Variants in GORASP2 observed in about 807,000 individuals in gnomAD.
GORASP2 encodes golgi reassembly stacking protein 2.
Under a neutral mutation model 45.7 loss-of-function variants are expected in GORASP2, and 22 were observed. The observed-to-expected ratio is 0.48, with a 90% CI of 0.34 to 0.69. GORASP2 has a LOEUF of 0.69. Among genes scored for constraint, GORASP2 ranks in the 30% least tolerant of loss-of-function variants. The pLI, the probability that GORASP2 is intolerant of heterozygous loss-of-function variation, is 0.01. For missense variants in GORASP2, 491 were observed against 562.7 expected (o/e 0.87, Z 1.29); for synonymous variants, 221 against 215.6 (o/e 1.02, Z -0.22).
chr2:170,934,247 GTTT>G (rs200425729), intron 1 of GORASP2, among the ~76,000 whole-genome samples: 6 of 128,338 alleles, frequency 4.7e-5, no homozygotes, highest in African/African-American at 1.1e-4. Flanking sequence ...CTCATACCCT[GTTT>G]TTTTTTTTGT....
chr2:170,949,551 G>T lies in GORASP2; in HGVS notation c.157G>T (p.Asp53Tyr). The change falls in exon 3 of 10, where the codon GAC (aspartate) becomes TAC (tyrosine). Residue 53 changes from aspartate (D) to tyrosine (Y), a missense_variant. By Grantham distance (160) the Asp-to-Tyr change is radical. Coordinates refer to ENST00000234160, the MANE Select transcript of GORASP2 (RefSeq NM_015530.5). ...INGSRLNKDN[D>Y]TLKDLLKANV... ...TATGTGTTCACAGAATAAAGACAAT[G>T]ACACTCTTAAGGATCTGCTGAAAGC... 6.2e-7 allele frequency: 1 copy of T among 1,612,880 alleles called. No homozygotes were observed. Among genetic ancestry groups the T allele is most frequent in the South Asian group, 1.1e-5 (1 of 91,014 alleles).
rs1308766312 is a variant in GORASP2, at chr2:170,949,682, G to A, written c.288G>A (p.Leu96=). Residue 96 remains leucine (L), a synonymous_variant, in exon 3 of 10, where the codon TTG becomes TTA. Coordinates refer to ENST00000234160, the MANE Select transcript of GORASP2 (RefSeq NM_015530.5). ...ACCTGTGGGGCGGCCAGGGCTTATTGGGAGTGAGCATTCGTTTCTGCAGCT... is the reference window on the plus strand; with the variant it reads ...ACCTGTGGGGCGGCCAGGGCTTATTAGGAGTGAGCATTCGTTTCTGCAGCT... The part of the protein sequence containing the change: ...PSNLWGGQGL[L]GVSIRFCSFD... 6 of 1,613,996 alleles carry A rather than the reference G, an allele frequency of 3.7e-6. No individual in the cohort carries two copies. Among genetic ancestry groups the A allele is most frequent in the African/African-American group, 1.3e-5 (1 of 74,928 alleles).
chr2:170,938,685 A>G (rs1704009504), intron 1 of GORASP2, among the ~76,000 whole-genome samples: 2 of 152,214 alleles, frequency 1.3e-5, no homozygotes, highest in South Asian at 4.1e-4. Flanking sequence ...CTTACAGATT[A>G]CATAGTTAGC....
intron 6 of GORASP2, among the ~76,000 whole-genome samples, chr2:170,955,918 T>C (rs1704415199): frequency 6.6e-6 from 1 of 152,206 alleles, no homozygotes. Context: ...TTTTTTCTTC[T>C]CCTGAAAAGT....
At chr2:170,958,288 A>T (rs1704475137) in intron 7 of GORASP2, among the ~76,000 whole-genome samples, 1 of 152,142 alleles carries the variant, frequency 6.6e-6, no homozygotes. Context: ...AGCTTTATCG[A>T]TAAATAATTT....
chr2:170,956,892 C>T (rs1004851460), intron 7 of GORASP2, among the ~76,000 whole-genome samples: 7 of 151,290 alleles, frequency 4.6e-5, no homozygotes, highest in Non-Finnish European at 5.9e-5. Flanking sequence ...CCAGCCTGGT[C>T]GACAGAGTGA....
chr2:170,936,394 A>C (rs1293500988), intron 1 of GORASP2, among the ~76,000 whole-genome samples: 3 of 151,860 alleles, frequency 2.0e-5, no homozygotes, highest in African/African-American at 7.3e-5. Context: ...GCCAATTTTA[A>C]AATTTTTTTG....
upstream of GORASP2, chr2:170,929,149 A>C: frequency 2.4e-6 from 1 of 417,516 alleles, no homozygotes; most frequent in Non-Finnish European, 4.1e-6. Context: ...GGCTCGCGGC[A>C]GGTGGCGCTG....
chr2:170,929,578 C>G (rs3821090), intron 1 of GORASP2, 175 bp downstream of exon 1: 8 of 580,890 alleles, frequency 1.4e-5, no homozygotes, highest in Middle Eastern at 4.7e-4. Flanking sequence ...CGCATCCCAC[C>G]TCCGCGGAGC....
At chr2:170,950,545 A>C (rs1316904409) in intron 4 of GORASP2, among the ~76,000 whole-genome samples, 3 of 152,226 alleles carry the variant, frequency 2.0e-5, no homozygotes, top group African/African-American at 7.2e-5. Context: ...TGCATACCTG[A>C]AGTCTAAATC....
intron 1 of GORASP2, among the ~76,000 whole-genome samples, chr2:170,944,684 T>C (rs1704146140): frequency 6.6e-6 from 1 of 152,224 alleles, no homozygotes; most frequent in Non-Finnish European, 1.5e-5. Flanking sequence ...GGGTCAGCTT[T>C]CTACATGAGT....
intron 1 of GORASP2, among the ~76,000 whole-genome samples, chr2:170,930,661 T>C (rs988333001): frequency 5.9e-5 from 9 of 152,044 alleles, no homozygotes; most frequent in African/African-American, 1.2e-4. Context: ...ATTTTTTTTT[T>C]CCCCGAAAGG....
chr2:170,949,490 A>C (rs1239357063), intron 2 of GORASP2, 49 bp from the exon 3 acceptor site: 1 of 1,377,128 alleles, frequency 7.3e-7, no homozygotes, highest in Admixed American at 1.7e-5. Flanking sequence ...TGCTTAAGCT[A>C]ACATTAAATT....
chr2:170,935,382 G>C (rs1703923760), intron 1 of GORASP2, among the ~76,000 whole-genome samples: 1 of 151,876 alleles, frequency 6.6e-6, no homozygotes, highest in African/African-American at 2.4e-5. Context: ...AGCCTCCCAA[G>C]TGGCTGGGAT....
intron 3 of GORASP2, 80 bp downstream of exon 3, chr2:170,949,822 T>A: frequency 8.2e-7 from 1 of 1,221,186 alleles, no homozygotes; most frequent in Non-Finnish European, 1.2e-6. Flanking sequence ...GTTTCTGGCT[T>A]AATAAGATTG....
intron 1 of GORASP2, among the ~76,000 whole-genome samples, chr2:170,939,631 T>C (rs1223821031): frequency 1.3e-5 from 2 of 152,206 alleles, no homozygotes; most frequent in Admixed American, 1.3e-4. Context: ...TAAATTAAGC[T>C]TTATGATAAG....
At chr2:170,934,103 T>C (rs1703888310) in intron 1 of GORASP2, among the ~76,000 whole-genome samples, 1 of 152,200 alleles carries the variant, frequency 6.6e-6, no homozygotes, top group East Asian at 1.9e-4. Flanking sequence ...TTTTAAATGG[T>C]GCCTAACTAA....
At chr2:170,948,214 A>G (rs1704220943) in intron 1 of GORASP2, 136 bp from the exon 2 acceptor site, 1 of 628,734 alleles carries the variant, frequency 1.6e-6, no homozygotes, top group Non-Finnish European at 2.8e-6. Context: ...GGAGAGATGA[A>G]GAGAAATGAG....
chr2:170,959,692 A>G (rs897308745), intron 7 of GORASP2, among the ~76,000 whole-genome samples: 4 of 152,224 alleles, frequency 2.6e-5, no homozygotes, highest in African/African-American at 9.6e-5. Context: ...TAGAGAAATA[A>G]AAGTATATGT....
Sources: allele counts gnomAD v4.1 joint callset (sites outside exome capture counted in the v4.1 genomes callset), GRCh38; gene constraint gnomAD v4.1.1; transcripts MANE v1.5; gene names NCBI Gene and HGNC (gene_info 2026-07-23, HGNC 2026-07-21).